ANKRD55: variants seen among roughly 807,000 people sequenced by gnomAD.
The protein encoded by ANKRD55 is ankyrin repeat domain 55.
Under a neutral mutation model 60.6 loss-of-function variants are expected in ANKRD55, and 41 were observed. The observed-to-expected ratio is 0.68, with a 90% CI of 0.53 to 0.88. The LOEUF is 0.88. ANKRD55 is among the 40% of genes least tolerant of loss of function. ANKRD55 has a pLI of 0.00. For synonymous variants in ANKRD55, 264 were observed against 290.3 expected (o/e 0.91, Z 0.92); for missense variants, 732 against 767.6 (o/e 0.95, Z 0.55).
At chr5:56,162,674 T>TG (rs1452707355) in intron 5 of ANKRD55, among the ~76,000 whole-genome samples, 1 of 146,080 alleles carries the variant, frequency 6.8e-6, no homozygotes, top group African/African-American at 2.6e-5. Flanking sequence ...TTTTGGTCAA[T>TG]TTTTTTTTTT....
chr5:56,177,784 A>C (rs1186985469), intron 3 of ANKRD55, among the ~76,000 whole-genome samples: 1 of 151,796 alleles, frequency 6.6e-6, no homozygotes, highest in Non-Finnish European at 1.5e-5. Flanking sequence ...CAAAAAAAAA[A>C]CACACACACA....
intron 7 of ANKRD55, among the ~76,000 whole-genome samples, chr5:56,135,301 T>G (rs1446560304): frequency 1.5e-4 from 1 of 6,854 alleles, no homozygotes. Context: ...CTTGCTTTCT[T>G]TCTTTCTTTC....
intron 5 of ANKRD55, among the ~76,000 whole-genome samples, chr5:56,163,120 G>A (rs947780227): frequency 1.4e-4 from 21 of 152,074 alleles, no homozygotes; most frequent in African/African-American, 3.6e-4. Context: ...TCCATTGATC[G>A]TCAAAGCTGG....
At chr5:56,200,985 G>A (rs1329195149) in intron 2 of ANKRD55, among the ~76,000 whole-genome samples, 1 of 152,166 alleles carries the variant, frequency 6.6e-6, no homozygotes, top group Non-Finnish European at 1.5e-5. Flanking sequence ...TCTACCATAT[G>A]CTAGTAAAAT....
intron 11 of ANKRD55, among the ~76,000 whole-genome samples, chr5:56,101,717 A>G (rs1756281537): frequency 6.6e-6 from 1 of 152,130 alleles, no homozygotes; most frequent in Non-Finnish European, 1.5e-5. Context: ...TTAATATTTT[A>G]TATTAGGAGA....
intron 7 of ANKRD55, among the ~76,000 whole-genome samples, chr5:56,143,397 C>T (rs1757819104): frequency 6.6e-6 from 1 of 152,146 alleles, no homozygotes; most frequent in African/African-American, 2.4e-5. Flanking sequence ...CTTTCACTGT[C>T]GGGTGTAGAA....
At chr5:56,168,369 C>T (rs147516220) in intron 5 of ANKRD55, among the ~76,000 whole-genome samples, 8 of 152,236 alleles carry the variant, frequency 5.3e-5, no homozygotes, top group Non-Finnish European at 8.8e-5. Context: ...TGAAATCTGC[C>T]GCTAACTACA....
chr5:56,181,889 C>T (rs1046964476), intron 3 of ANKRD55, among the ~76,000 whole-genome samples: 4 of 152,204 alleles, frequency 2.6e-5, no homozygotes, highest in Non-Finnish European at 5.9e-5. Flanking sequence ...GCCACCGTGT[C>T]CGGCCTATTT....
chr5:56,112,088 G>T (rs1216011848), intron 9 of ANKRD55, among the ~76,000 whole-genome samples: 5 of 152,102 alleles, frequency 3.3e-5, no homozygotes, highest in Admixed American at 3.3e-4. Flanking sequence ...TTCAACAAGA[G>T]GTTAACTAAA....
intron 4 of ANKRD55, among the ~76,000 whole-genome samples, chr5:56,174,517 G>A (rs1561281241): frequency 6.6e-6 from 1 of 152,168 alleles, no homozygotes; most frequent in Admixed American, 6.5e-5. Flanking sequence ...ATGTCTGTCT[G>A]AGATATGGGA....
rs116432270 is a variant in ANKRD55, at chr5:56,215,964, G to A, written c.58+16892C>T. 2.1e-3 allele frequency among the ~76,000 whole-genome samples: 321 copies of A among 150,144 alleles called. 3 individuals are homozygous for A. Among genetic ancestry groups the A allele is most frequent in the African/African-American group, 7.6e-3 (303 of 39,944 alleles). On this transcript the variant is annotated intron_variant, in intron 2 of 11. Transcript: ENST00000341048. ...GGTGAATTGTCATGAATACATCTTG[G>A]TGGCTGAGAAGCTGGGAATAGGCTG...
intron 10 of ANKRD55, among the ~76,000 whole-genome samples, chr5:56,109,279 G>T (rs1359063406): frequency 6.6e-6 from 1 of 152,190 alleles, no homozygotes; most frequent in Non-Finnish European, 1.5e-5. Flanking sequence ...CTGAACTGGG[G>T]ACAGTGGTGT....
chr5:56,168,321 T>C (rs1026135486), intron 5 of ANKRD55, among the ~76,000 whole-genome samples: 3 of 152,146 alleles, frequency 2.0e-5, no homozygotes, highest in African/African-American at 7.2e-5. Flanking sequence ...AAATAAACAA[T>C]TCATGTTTTA....
chr5:56,139,986 T>G (rs1757713899), intron 7 of ANKRD55, among the ~76,000 whole-genome samples: 1 of 152,210 alleles, frequency 6.6e-6, no homozygotes, highest in Non-Finnish European at 1.5e-5. Flanking sequence ...TAGAATTGCT[T>G]GAGCCCAGGG....
intron 5 of ANKRD55, among the ~76,000 whole-genome samples, chr5:56,162,945 A>G (rs1486981046): frequency 1.3e-5 from 2 of 152,122 alleles, no homozygotes; most frequent in African/African-American, 4.8e-5. Flanking sequence ...CTGGGATTAC[A>G]GGCGTGAATC....
chr5:56,103,547 TCCCC>T (rs1324369142), intron 10 of ANKRD55, among the ~76,000 whole-genome samples: 1 of 152,172 alleles, frequency 6.6e-6, no homozygotes, highest in African/African-American at 2.4e-5. Context: ...ATTCCCTGCT[TCCCC>T]ACTTTTCAGT....
At chr5:56,215,568 G>A (rs180956601) in intron 2 of ANKRD55, among the ~76,000 whole-genome samples, 17 of 152,290 alleles carry the variant, frequency 1.1e-4, no homozygotes, top group East Asian at 9.6e-4. Flanking sequence ...TTTCCTTCTC[G>A]TGCTAGGTGT....
At chr5:56,202,194 T>C (rs1210035473) in intron 2 of ANKRD55, among the ~76,000 whole-genome samples, 1 of 151,932 alleles carries the variant, frequency 6.6e-6, no homozygotes. Context: ...AGCTAATAGA[T>C]GCCGAGCTTA....
chr5:56,166,145 T>TC lies in ANKRD55; in HGVS notation c.422+4548dup, dbSNP rs1227655217. ...TTCTTTCTTTCTTTCTTTCTTTCTT[T>TC]CTTTCTTTCTTCTTTCCTTCCTTCC... On this transcript the variant is annotated intron_variant, in intron 5 of 11. Coordinates refer to ENST00000341048, the MANE Select transcript of ANKRD55 (RefSeq NM_024669.3). 2.5e-3 allele frequency among the ~76,000 whole-genome samples: 220 copies of TC among 88,452 alleles called. 9 individuals carry two copies. The highest frequency in any genetic ancestry group is 0.016 in the African/African-American group (191 of 11,940). 58.0% of individuals were successfully genotyped at this position (88,452 alleles called of 152,430 possible). A position where few individuals can be genotyped will look rare whatever the true frequency, so the allele number is the denominator to read the frequency against.
Sources: allele counts gnomAD v4.1 joint callset (sites outside exome capture counted in the v4.1 genomes callset), GRCh38; gene constraint gnomAD v4.1.1; transcripts MANE v1.5; gene names NCBI Gene and HGNC (gene_info 2026-07-23, HGNC 2026-07-21).